Variants in AJAP1 observed in about 807,000 individuals in gnomAD.
AJAP1 encodes the protein adherens junction-associated protein 1.
Under a neutral mutation model 35.0 loss-of-function variants are expected in AJAP1, and 5 were observed. The ratio of observed to expected loss-of-function variants is 0.14; its 90% CI spans 0.07 to 0.30. The LOEUF is 0.30. Ranked by LOEUF, AJAP1 falls within the 10% of genes least tolerant of loss-of-function variation. The pLI, the probability that AJAP1 is intolerant of heterozygous loss-of-function variation, is 1.00. For missense variants in AJAP1, 586 were observed against 571.0 expected (o/e 1.03, Z -0.27); for synonymous variants, 284 against 249.3 (o/e 1.14, Z -1.31).
In AJAP1 at chr1:4,720,368, A is replaced by T. The variant is rs564441417; in HGVS notation, c.829+7669A>T. 6.6e-6 allele frequency among the ~76,000 whole-genome samples: 1 copy of T among 152,308 alleles called. No homozygotes were observed. Among genetic ancestry groups the T allele is most frequent in the Admixed American group, 6.5e-5 (1 of 15,296 alleles). ...TCCCTTTCCAGAAGTTTCTTTCAGC[A>T]CTGGGGAAGCCAAGTTTGTTGGAGG... On this transcript the variant is annotated intron_variant, in intron 2 of 5. Coordinates refer to ENST00000378191, the MANE Select transcript of AJAP1 (RefSeq NM_018836.4). This position sits in a 1 kb window ranked among gnomAD's most constrained non-coding sequence, Gnocchi z 4.4.
At chr1:4,725,516 C>T (rs1420893018) in intron 2 of AJAP1, among the ~76,000 whole-genome samples, 3 of 152,120 alleles carry the variant, frequency 2.0e-5, no homozygotes, top group Non-Finnish European at 2.9e-5. Context: ...ACCTCCCCTT[C>T]GAGGGGGCTT....
chr1:4,677,590 TAA>T (rs111902962), intron 1 of AJAP1, among the ~76,000 whole-genome samples: 18,632 of 151,270 alleles, frequency 0.12, 1,441 homozygotes, highest in East Asian at 0.29. Context: ...AAGGAAGGAT[TAA>T]AAAAAAATTT....
chr1:4,667,441 A>T (rs1318636565), intron 1 of AJAP1, among the ~76,000 whole-genome samples: 1 of 152,170 alleles, frequency 6.6e-6, no homozygotes, highest in Non-Finnish European at 1.5e-5. Context: ...GACCAGTTTC[A>T]TGGAAGACAA....
chr1:4,681,238 G>A (rs1639474537), intron 1 of AJAP1, among the ~76,000 whole-genome samples: 3 of 152,236 alleles, frequency 2.0e-5, no homozygotes, highest in Admixed American at 2.0e-4. Flanking sequence ...GTTTGGTAAA[G>A]CCCTTTGGAA....
Position 4,791,445 on chromosome 1 carries a change from A to C in AJAP1, c.*8960A>C, listed in dbSNP as rs1218466191. On this transcript the variant is annotated 3_prime_UTR_variant, in exon 6 of 6. Transcript: ENST00000378191. Reference sequence around the variant, plus strand: ...TTAATTCTGTAGAAACTGTTCACGAAAGGCTGAATGAGTGGGGACAAGTCA... The same window carrying C: ...TTAATTCTGTAGAAACTGTTCACGACAGGCTGAATGAGTGGGGACAAGTCA... 1 of 152,238 alleles carries C rather than the reference A, an allele frequency of 6.6e-6. No individual in the cohort carries two copies. The highest frequency in any genetic ancestry group is 1.5e-5 in the Non-Finnish European group (1 of 68,040). 9.4% of individuals were successfully genotyped at this position (152,238 alleles called of 1,614,324 possible).
chr1:4,731,866 G>A lies in AJAP1; in HGVS notation c.829+19167G>A, dbSNP rs375650707. Reference sequence around the variant, plus strand: ...CTGTCCTTCAGCTCAGGTGGGTCCTGGGAGGCTGGGAGCCCTCCTGGAGAG... The same window carrying A: ...CTGTCCTTCAGCTCAGGTGGGTCCTAGGAGGCTGGGAGCCCTCCTGGAGAG... On this transcript the variant is annotated intron_variant, in intron 2 of 5. Transcript: ENST00000378191. 2.0e-5 allele frequency among the ~76,000 whole-genome samples: 3 copies of A among 152,214 alleles called. No individual in the cohort carries two copies. In the East Asian group the frequency reaches 5.8e-4, roughly 29 times the overall value.
In AJAP1 at chr1:4,759,736, C is replaced by A. The variant is rs1390018929; in HGVS notation, c.830-10117C>A. 7.2e-5 allele frequency among the ~76,000 whole-genome samples: 11 copies of A among 152,294 alleles called. No homozygotes were observed. The East Asian group carries it at 2.1e-3, about 29-fold the overall frequency. ...CAGGCTTTTTGGAGGGGGAGCCTTGCCATTTGTTTAGAGGTTTGATGTACT... is the reference window on the plus strand; with the variant it reads ...CAGGCTTTTTGGAGGGGGAGCCTTGACATTTGTTTAGAGGTTTGATGTACT... On this transcript the variant is annotated intron_variant, in intron 2 of 5. Coordinates refer to ENST00000378191, the MANE Select transcript of AJAP1 (RefSeq NM_018836.4).
At chr1:4,745,771 C>T (rs1260523041) in intron 2 of AJAP1, among the ~76,000 whole-genome samples, 3 of 152,140 alleles carry the variant, frequency 2.0e-5, no homozygotes, top group Non-Finnish European at 4.4e-5. Flanking sequence ...GGGTCCTGGG[C>T]AGCGCTTCCT....
rs139438405 is a variant in AJAP1, at chr1:4,658,333, C to G, written c.29+2879C>G. The stretch of plus-strand genomic sequence containing the variant: ...TGTGTGTTGACATAATTCACAGTTC[C>G]CCAAGCCCTCTCAGTGCGCGCTGTA... On this transcript the variant is annotated intron_variant, in intron 1 of 5. Coordinates refer to ENST00000378191, the MANE Select transcript of AJAP1 (RefSeq NM_018836.4). 9.0e-3 allele frequency among the ~76,000 whole-genome samples: 1,374 copies of G among 152,250 alleles called. 15 individuals are homozygous for G. Among genetic ancestry groups the G allele is most frequent in the South Asian group, 0.026 (125 of 4,822 alleles).
intron 1 of AJAP1, among the ~76,000 whole-genome samples, chr1:4,708,054 G>A (rs1290883453): frequency 2.0e-5 from 3 of 147,284 alleles, no homozygotes; most frequent in South Asian, 2.2e-4. Flanking sequence ...TGCAACCTCC[G>A]CCTCCTGGGT....
chr1:4,663,226 A>G (rs1048681632), intron 1 of AJAP1, among the ~76,000 whole-genome samples: 2 of 152,012 alleles, frequency 1.3e-5, no homozygotes, highest in African/African-American at 4.8e-5. Flanking sequence ...CGATCATCCC[A>G]CCTCAGCCTC....
At chr1:4,737,404 G>T (rs1325238083) in intron 2 of AJAP1, among the ~76,000 whole-genome samples, 2 of 152,028 alleles carry the variant, frequency 1.3e-5, no homozygotes, top group African/African-American at 4.8e-5. Flanking sequence ...CCTGTGGGGT[G>T]AGATTTTTTT....
chr1:4,701,063 C>T (rs1483974306), intron 1 of AJAP1, among the ~76,000 whole-genome samples: 1 of 152,248 alleles, frequency 6.6e-6, no homozygotes, highest in East Asian at 1.9e-4. Flanking sequence ...GCACGTTGCC[C>T]AGGCAACCAG....
intron 1 of AJAP1, among the ~76,000 whole-genome samples, chr1:4,700,850 G>A (rs368245532): frequency 4.2e-4 from 64 of 152,310 alleles, no homozygotes; most frequent in East Asian, 9.7e-4. Flanking sequence ...GGGGCCCTTC[G>A]TGGGGCAGCT....
At chr1:4,726,090 G>A (rs1055320743) in intron 2 of AJAP1, among the ~76,000 whole-genome samples, 12 of 152,132 alleles carry the variant, frequency 7.9e-5, no homozygotes, top group African/African-American at 1.4e-4. Context: ...GAGTCCTTGC[G>A]GGATGGGGGA....
intron 2 of AJAP1, among the ~76,000 whole-genome samples, chr1:4,758,396 A>C (rs1224195255): frequency 6.6e-6 from 1 of 152,100 alleles, no homozygotes; most frequent in African/African-American, 2.4e-5. Flanking sequence ...GGTTTCATCA[A>C]CTCACAGTTC....
chr1:4,690,295 C>T (rs1421601104), intron 1 of AJAP1, among the ~76,000 whole-genome samples: 1 of 152,200 alleles, frequency 6.6e-6, no homozygotes, highest in Non-Finnish European at 1.5e-5. Flanking sequence ...GCCCACCCTC[C>T]CACCACCAAG....
At chr1:4,690,558 CT>C (rs1639716363) in intron 1 of AJAP1, among the ~76,000 whole-genome samples, 1 of 152,186 alleles carries the variant, frequency 6.6e-6, no homozygotes, top group African/African-American at 2.4e-5. Context: ...AGCACTGCCC[CT>C]GTCTGGGAGA....
chr1:4,675,365 G>A (rs537717236), intron 1 of AJAP1, among the ~76,000 whole-genome samples: 9 of 152,366 alleles, frequency 5.9e-5, no homozygotes, highest in Admixed American at 4.6e-4. Flanking sequence ...AGGGATCCAC[G>A]CATGGAGTTT....
Sources: gnomAD v4.1 joint callset for allele counts (sites outside exome capture counted in the v4.1 genomes callset) on GRCh38, gnomAD v4.1.1 for gene constraint, Gnocchi (gnomAD v3.1) non-coding constraint, MANE v1.5 for transcripts, NCBI Gene and HGNC (gene_info 2026-07-23, HGNC 2026-07-21) for gene names.